KCNIP1: variants seen among roughly 807,000 people sequenced by gnomAD.
KCNIP1 encodes the protein potassium voltage-gated channel interacting protein 1.
A neutral mutation model predicts 33.0 loss-of-function variants in KCNIP1; 18 were observed. The ratio of observed to expected loss-of-function variants is 0.55; its 90% confidence interval spans 0.38 to 0.81. KCNIP1 has a LOEUF of 0.81. Among genes scored for constraint, KCNIP1 ranks in the 30% least tolerant of loss-of-function variants. KCNIP1 has a pLI of 0.00. For missense variants in KCNIP1, 238 were observed against 271.6 expected, an observed-to-expected ratio of 0.88 and a Z score of 0.87; for synonymous variants, 93 against 98.3, an observed-to-expected ratio of 0.95 and a Z score of 0.32.
intron 1 of KCNIP1, among the ~76,000 whole-genome samples, chr5:170,393,757 G>A (rs1754679716): frequency 1.3e-5 from 2 of 151,822 alleles, no homozygotes; most frequent in African/African-American, 2.4e-5. Flanking sequence ...TGCTGTGTAG[G>A]GTGATACTCA....
intron 1 of KCNIP1, among the ~76,000 whole-genome samples, chr5:170,597,264 C>T (rs1561708152): frequency 6.6e-6 from 1 of 152,202 alleles, no homozygotes; most frequent in Non-Finnish European, 1.5e-5. Flanking sequence ...AATCCTATGA[C>T]TCAAACCAAA....
In KCNIP1 at chr5:170,681,284, G is replaced by A. The variant is rs774484209; in HGVS notation, c.62-37474G>A. On this transcript the variant is annotated intron_variant, in intron 1 of 7. Coordinates refer to ENST00000328939, the MANE Select transcript of KCNIP1 (RefSeq NM_014592.4). ...CACGGAAATGAGGGCGGAGACCCGA[G>A]AGATTTGAAAAAGCCGGGCTGAAAC... 22 of 395,346 alleles carry A rather than the reference G, an allele frequency of 5.6e-5. No homozygotes were observed. The South Asian group carries it at 1.1e-3, about 20-fold the overall frequency. The allele number at this position is 395,346 out of a possible 1,614,324, so 24.5% of individuals were successfully genotyped here. A position where few individuals can be genotyped will look rare whatever the true frequency, so the allele number is the denominator to read the frequency against.
intron 1 of KCNIP1, among the ~76,000 whole-genome samples, chr5:170,391,079 G>C (rs1257192688): frequency 1.3e-5 from 2 of 152,210 alleles, no homozygotes; most frequent in African/African-American, 4.8e-5. Flanking sequence ...ACCAGCTTCA[G>C]ACCTTGCAGG....
intron 1 of KCNIP1, among the ~76,000 whole-genome samples, chr5:170,615,982 G>A (rs1009207804): frequency 6.6e-6 from 1 of 152,174 alleles, no homozygotes; most frequent in African/African-American, 2.4e-5. Flanking sequence ...GAAGAGGCAG[G>A]ACTGAGATGT....
chr5:170,528,211 C>T (rs1200317649), intron 1 of KCNIP1, among the ~76,000 whole-genome samples: 1 of 152,212 alleles, frequency 6.6e-6, no homozygotes, highest in Non-Finnish European at 1.5e-5. Flanking sequence ...CCCTGCTCCC[C>T]ACCCACTTCC....
intron 1 of KCNIP1, among the ~76,000 whole-genome samples, chr5:170,653,788 A>G (rs1483854244): frequency 2.6e-5 from 4 of 151,856 alleles, no homozygotes; most frequent in Admixed American, 6.6e-5. Flanking sequence ...CAGGTGTATA[A>G]CAGAAGCCTG....
At chr5:170,638,635 T>C (rs1292665677) in intron 1 of KCNIP1, among the ~76,000 whole-genome samples, 1 of 152,158 alleles carries the variant, frequency 6.6e-6, no homozygotes, top group Non-Finnish European at 1.5e-5. Flanking sequence ...GCCTCCCTGC[T>C]CTTCGTTAGA....
chr5:170,504,365 G>T lies in KCNIP1; in HGVS notation c.-208G>T. 7.0e-7 allele frequency: 1 copy of T among 1,421,398 alleles called. No individual in the cohort carries two copies. The highest frequency in any genetic ancestry group is 9.1e-7 in the Non-Finnish European group (1 of 1,093,258). 88.0% of individuals were successfully genotyped at this position (1,421,398 alleles called of 1,614,324 possible). A position where few individuals can be genotyped will look rare whatever the true frequency, so the allele number is the denominator to read the frequency against. The stretch of plus-strand genomic sequence containing the variant: ...TCCGAAGGCTCGCGGGGAGCGGCTA[G>T]CCCTGAGTCCCTGCATGTGCGGGGC... On this transcript the variant is annotated 5_prime_UTR_variant, in exon 1 of 8. Coordinates refer to ENST00000328939, the MANE Select transcript of KCNIP1 (RefSeq NM_014592.4). The surrounding 1 kb of genome is among the most constrained non-coding windows in gnomAD (Gnocchi z 6.0).
intron 1 of KCNIP1, among the ~76,000 whole-genome samples, chr5:170,357,251 C>G (rs1347481461): frequency 6.6e-6 from 1 of 152,212 alleles, no homozygotes; most frequent in Non-Finnish European, 1.5e-5. Flanking sequence ...CCTCACCTCC[C>G]TGGCATTTAG....
At chr5:170,714,640 G>A (rs1763581653) in intron 1 of KCNIP1, among the ~76,000 whole-genome samples, 1 of 152,110 alleles carries the variant, frequency 6.6e-6, no homozygotes, top group African/African-American at 2.4e-5. Flanking sequence ...GTGGGCTCAG[G>A]CTAACGTGTG....
intron 1 of KCNIP1, among the ~76,000 whole-genome samples, chr5:170,488,440 T>C (rs1476243572): frequency 1.3e-5 from 2 of 151,532 alleles, no homozygotes; most frequent in Non-Finnish European, 2.9e-5. Context: ...CCTTCAAGGG[T>C]TTTCCATCAT....
chr5:170,544,431 C>A (rs997486769), intron 1 of KCNIP1, among the ~76,000 whole-genome samples: 1 of 152,186 alleles, frequency 6.6e-6, no homozygotes, highest in African/African-American at 2.4e-5. Context: ...AACTCCTGAA[C>A]AATAATAGCT....
intron 1 of KCNIP1, among the ~76,000 whole-genome samples, chr5:170,634,110 C>T (rs140070655): frequency 1.1e-4 from 16 of 152,082 alleles, no homozygotes; most frequent in Middle Eastern, 3.4e-3. Context: ...GGAATGACTG[C>T]AGGGTTATTG....
intron 1 of KCNIP1, among the ~76,000 whole-genome samples, chr5:170,458,393 T>C (rs1756436462): frequency 6.6e-6 from 1 of 152,164 alleles, no homozygotes; most frequent in Admixed American, 6.5e-5. Context: ...AGACACATTG[T>C]CATCAGGTTA....
intron 1 of KCNIP1, among the ~76,000 whole-genome samples, chr5:170,401,402 A>T (rs1443245343): frequency 1.3e-5 from 2 of 152,202 alleles, no homozygotes; most frequent in African/African-American, 4.8e-5. Context: ...TCAGCAGAGC[A>T]CCATCTCCCA....
intron 1 of KCNIP1, among the ~76,000 whole-genome samples, chr5:170,430,326 C>T (rs536997688): frequency 6.6e-6 from 1 of 152,310 alleles, no homozygotes; most frequent in South Asian, 2.1e-4. Flanking sequence ...CATTTACTGT[C>T]TCAGGTTCTT....
At chr5:170,693,622 A>T (rs933711705) in intron 1 of KCNIP1, among the ~76,000 whole-genome samples, 3 of 152,220 alleles carry the variant, frequency 2.0e-5, no homozygotes, top group Non-Finnish European at 4.4e-5. Context: ...ACACCTGAGC[A>T]CGGAAGACCC....
chr5:170,547,480 A>T lies in KCNIP1; in HGVS notation c.61+42847A>T, dbSNP rs115022157. Among the ~76,000 whole-genome samples, 1,127 of 152,244 alleles carry T rather than the reference A, an allele frequency of 7.4e-3. 18 individuals carry two copies. Among genetic ancestry groups the T allele is most frequent in the African/African-American group, 0.026 (1,065 of 41,540 alleles). ...TTGAACAGATTATTTCATCATCCAC[A>T]TATTAAGCTTAGTATCCATTAGTTA... On this transcript the variant is annotated intron_variant, in intron 1 of 7. Transcript: ENST00000328939.
chr5:170,682,202 A>G (rs1762375377), intron 1 of KCNIP1, among the ~76,000 whole-genome samples: 1 of 152,218 alleles, frequency 6.6e-6, no homozygotes, highest in South Asian at 2.1e-4. Flanking sequence ...CAAGAAATCC[A>G]CTTTCTATCC....
Sources: gnomAD v4.1 joint callset for allele counts (sites outside exome capture counted in the v4.1 genomes callset) on GRCh38, gnomAD v4.1.1 for gene constraint, Gnocchi (gnomAD v3.1) non-coding constraint, MANE v1.5 for transcripts, NCBI Gene and HGNC (gene_info 2026-07-23, HGNC 2026-07-21) for gene names.